LRRC28: variants seen among roughly 807,000 people sequenced by gnomAD.
LRRC28 encodes the protein leucine rich repeat containing 28, also known as leucine-rich repeat-containing protein 28.
Under a neutral mutation model 45.7 loss-of-function variants are expected in LRRC28, and 39 were observed. That is an observed-to-expected ratio of 0.85 (90% confidence interval 0.66 to 1.12). The LOEUF (loss-of-function observed/expected upper bound fraction) is 1.12. Among genes scored for constraint, LRRC28 ranks in the 50% most tolerant of loss-of-function variants. The pLI is 0.00. For missense variants in LRRC28, 435 were observed against 438.5 expected, an observed-to-expected ratio of 0.99 and a Z score of 0.07; for synonymous variants, 206 against 178.8, an observed-to-expected ratio of 1.15 and a Z score of -1.22.
chr15:99,302,081 C>T (rs559269931), intron 5 of LRRC28, among the ~76,000 whole-genome samples: 1 of 150,126 alleles, frequency 6.7e-6, no homozygotes, highest in East Asian at 2.0e-4. Context: ...GGCTGGAGTG[C>T]AGAGGCGCGA....
chr15:99,336,671 G>T (rs2152297728), intron 6 of LRRC28, among the ~76,000 whole-genome samples: 1 of 152,222 alleles, frequency 6.6e-6, no homozygotes, highest in Non-Finnish European at 1.5e-5. Context: ...CCAATTACTT[G>T]TTTCCATCTG....
chr15:99,260,142 G>A (rs1287046200), intron 2 of LRRC28: 4 of 316,954 alleles, frequency 1.3e-5, no homozygotes, highest in African/African-American at 6.6e-5. Flanking sequence ...ACTGTAAAAT[G>A]TGGGATTATG....
intron 6 of LRRC28, among the ~76,000 whole-genome samples, chr15:99,350,156 A>AG (rs1393247600): frequency 4.6e-5 from 7 of 151,990 alleles, no homozygotes; most frequent in Admixed American, 1.3e-4. Flanking sequence ...AAAAAAAAAA[A>AG]AAAGAAAAAT....
At chr15:99,342,610 CTG>C (rs1173251084) in intron 6 of LRRC28, among the ~76,000 whole-genome samples, 2 of 152,176 alleles carry the variant, frequency 1.3e-5, no homozygotes, top group African/African-American at 4.8e-5. Context: ...AGTGTAGGAA[CTG>C]TGTGTCTTCA....
chr15:99,277,517 C>G (rs984277462), intron 3 of LRRC28, among the ~76,000 whole-genome samples: 1 of 151,946 alleles, frequency 6.6e-6, no homozygotes, highest in African/African-American at 2.4e-5. Context: ...CATTATCACA[C>G]CTAAGGAAAG....
At chr15:99,336,976 A>G (rs1259572900) in intron 6 of LRRC28, among the ~76,000 whole-genome samples, 1 of 152,110 alleles carries the variant, frequency 6.6e-6, no homozygotes, top group Non-Finnish European at 1.5e-5. Context: ...CTTGTCTGAT[A>G]CTCACATGTG....
chr15:99,295,523 A>G (rs1253275343), intron 5 of LRRC28, among the ~76,000 whole-genome samples: 1 of 152,256 alleles, frequency 6.6e-6, no homozygotes, highest in Non-Finnish European at 1.5e-5. Context: ...AGACAGAAAG[A>G]ACAGCCAATC....
At chr15:99,309,699 G>T (rs565781038) in intron 5 of LRRC28, among the ~76,000 whole-genome samples, 1 of 152,154 alleles carries the variant, frequency 6.6e-6, no homozygotes, top group Non-Finnish European at 1.5e-5. Context: ...GAACCACCAC[G>T]CCCACTGGGA....
chr15:99,359,649 C>G (rs1027543560), intron 7 of LRRC28, among the ~76,000 whole-genome samples: 1 of 152,112 alleles, frequency 6.6e-6, no homozygotes, highest in African/African-American at 2.4e-5. Context: ...ATAAAAACAT[C>G]TGTGCATTGG....
At chr15:99,354,679 C>T (rs1044484163) in intron 7 of LRRC28, among the ~76,000 whole-genome samples, 2 of 152,192 alleles carry the variant, frequency 1.3e-5, no homozygotes, top group African/African-American at 4.8e-5. Context: ...CCGCATGGAC[C>T]TTCTGATCTA....
intron 3 of LRRC28, chr15:99,284,959 C>T (rs1035183400): frequency 1.6e-6 from 1 of 619,278 alleles, no homozygotes; most frequent in South Asian, 1.4e-5. Flanking sequence ...TCAAAACCAC[C>T]TCCACGACCA....
intron 4 of LRRC28, 48 bp downstream of exon 4, chr15:99,287,342 T>C: frequency 7.3e-7 from 1 of 1,379,094 alleles, no homozygotes; most frequent in Non-Finnish European, 9.7e-7. Flanking sequence ...TAATTTAAGC[T>C]TTGCTTTATA....
intron 7 of LRRC28, among the ~76,000 whole-genome samples, chr15:99,353,168 C>T (rs1487007055): frequency 2.0e-5 from 3 of 152,124 alleles, no homozygotes; most frequent in African/African-American, 4.8e-5. Flanking sequence ...AAGATGGGGC[C>T]ACTCAACCAC....
intron 2 of LRRC28, among the ~76,000 whole-genome samples, chr15:99,261,976 A>G (rs893264085): frequency 6.6e-6 from 1 of 152,122 alleles, no homozygotes; most frequent in African/African-American, 2.4e-5. Context: ...TTTTAACACC[A>G]TCATCATCTT....
chr15:99,281,286 C>G (rs577724016), intron 3 of LRRC28, among the ~76,000 whole-genome samples: 1 of 152,088 alleles, frequency 6.6e-6, no homozygotes, highest in East Asian at 1.9e-4. Flanking sequence ...ACATTGTCAC[C>G]CAGGAGTTAC....
intron 9 of LRRC28, among the ~76,000 whole-genome samples, chr15:99,383,734 GA>G (rs1372356523): frequency 1.3e-5 from 2 of 152,170 alleles, no homozygotes; most frequent in African/African-American, 4.8e-5. Context: ...GCTTAGGGAA[GA>G]AAAAGACTTC....
chr15:99,367,522 A>G (rs914353154), intron 9 of LRRC28, among the ~76,000 whole-genome samples: 2 of 152,162 alleles, frequency 1.3e-5, no homozygotes, highest in African/African-American at 4.8e-5. Context: ...AATGGCACTC[A>G]TGAGGGCAGA....
chr15:99,293,593 CAAAAAAAAAAAAAAAAAAAAAAA>C lies in LRRC28; in HGVS notation c.385+5660_385+5682del, dbSNP rs57442636. Among the ~76,000 whole-genome samples, 98 of 44,090 alleles carry C rather than the reference CAAAAAAAAAAAAAAAAAAAAAAA, an allele frequency of 2.2e-3. 1 individual carries two copies. The highest frequency in any genetic ancestry group is 5.9e-3 in the East Asian group (8 of 1,352). The allele number at this position is 44,090 out of a possible 152,430, so 28.9% of individuals were successfully genotyped here. A position where few individuals can be genotyped will look rare whatever the true frequency, so the allele number is the denominator to read the frequency against. Reference sequence around the variant, plus strand: ...GGGCAACAAGAACGAAACTCTGTCACAAAAAAAAAAAAAAAAAAAAAAAAAAAAAAAAAAAAAAAACCTAAACA... The same window carrying C: ...GGGCAACAAGAACGAAACTCTGTCACAAAAAAAAAAAAAAAAACCTAAACA... On this transcript the variant is annotated intron_variant, in intron 5 of 9. Coordinates refer to ENST00000301981, the MANE Select transcript of LRRC28 (RefSeq NM_144598.5).
intron 9 of LRRC28, among the ~76,000 whole-genome samples, chr15:99,371,672 T>G (rs963247256): frequency 1.3e-5 from 2 of 152,202 alleles, no homozygotes; most frequent in Non-Finnish European, 1.5e-5. Flanking sequence ...ATTTTGTTTT[T>G]CCTTTTGGCA....
Sources: gnomAD v4.1 joint callset for allele counts (sites outside exome capture counted in the v4.1 genomes callset) on GRCh38, gnomAD v4.1.1 for gene constraint, MANE v1.5 for transcripts, NCBI Gene and HGNC (gene_info 2026-07-23, HGNC 2026-07-21) for gene names.